Variants in MYO3B observed in about 807,000 individuals in gnomAD.
MYO3B encodes myosin-IIIb.
A neutral mutation model predicts 174.6 loss-of-function variants in MYO3B; 156 were observed. The ratio of observed to expected loss-of-function variants is 0.89; its 90% CI spans 0.78 to 1.02. The LOEUF is 1.02. MYO3B is among the 50% of genes least tolerant of loss of function. The pLI is 0.00. For missense variants in MYO3B, 1,632 were observed against 1,639.4 expected (o/e 1.00, Z 0.08); for synonymous variants, 563 against 569.1 (o/e 0.99, Z 0.15).
intron 32 of MYO3B, among the ~76,000 whole-genome samples, chr2:170,606,662 G>T (rs1386621618): frequency 6.6e-6 from 1 of 152,226 alleles, no homozygotes; most frequent in Non-Finnish European, 1.5e-5. Context: ...GAGCATTGCT[G>T]TGGATTTAGG....
At chr2:170,503,089 G>C (rs972664924) in intron 28 of MYO3B, among the ~76,000 whole-genome samples, 1 of 152,236 alleles carries the variant, frequency 6.6e-6, no homozygotes, top group South Asian at 2.1e-4. Flanking sequence ...CTCCCAACAC[G>C]CACACAATCT....
At position 170,498,714 on chromosome 2, in the gene MYO3B, C is replaced by T. The variant is rs1177766100; in HGVS notation, c.3126+11C>T. The T allele has an allele frequency of 3.3e-6, 5 of 1,510,294 alleles. No homozygotes were observed. In the African/African-American group the frequency reaches 5.5e-5, roughly 17 times the overall value. 93.6% of individuals were successfully genotyped at this position (1,510,294 alleles called of 1,614,324 possible). A position where few individuals can be genotyped will look rare whatever the true frequency, so the allele number is the denominator to read the frequency against. ...CTGGGAAAAACAAAGGTAGTTCGTTCTTTATTGTTCAAATTGTCCCGTATG... is the reference window on the plus strand; with the variant it reads ...CTGGGAAAAACAAAGGTAGTTCGTTTTTTATTGTTCAAATTGTCCCGTATG... On this transcript the variant is annotated intron_variant, in intron 26 of 34. Transcript: ENST00000408978.
chr2:170,533,452 G>T (rs1276247127), intron 30 of MYO3B, among the ~76,000 whole-genome samples: 1 of 151,464 alleles, frequency 6.6e-6, no homozygotes, highest in African/African-American at 2.4e-5. Context: ...GTGGTGAAAA[G>T]AACATCCTCC....
intron 1 of MYO3B, among the ~76,000 whole-genome samples, chr2:170,185,244 T>C (rs1212786874): frequency 6.6e-6 from 1 of 152,204 alleles, no homozygotes; most frequent in Non-Finnish European, 1.5e-5. Context: ...CAAGAAATCA[T>C]TGCCCAGACC....
At chr2:170,302,022 C>T (rs1291204307) in intron 7 of MYO3B, among the ~76,000 whole-genome samples, 1 of 151,706 alleles carries the variant, frequency 6.6e-6, no homozygotes, top group Non-Finnish European at 1.5e-5. Flanking sequence ...GATATTTCTC[C>T]AAAGCCCTGA....
At chr2:170,456,013 A>G (rs886819255) in intron 23 of MYO3B, among the ~76,000 whole-genome samples, 11 of 152,180 alleles carry the variant, frequency 7.2e-5, no homozygotes, top group African/African-American at 2.7e-4. Flanking sequence ...ATAAACTGAC[A>G]AGAGGCAGAT....
chr2:170,604,376 G>T (rs575212013), intron 32 of MYO3B, among the ~76,000 whole-genome samples: 2 of 152,156 alleles, frequency 1.3e-5, no homozygotes, highest in East Asian at 1.9e-4. Context: ...CAAGGGCTAG[G>T]GTTCTGGGGA....
At chr2:170,221,865 G>T (rs886958700) in intron 6 of MYO3B, among the ~76,000 whole-genome samples, 2 of 152,046 alleles carry the variant, frequency 1.3e-5, no homozygotes, top group Non-Finnish European at 2.9e-5. Flanking sequence ...AACATGCCTG[G>T]CTTAAGATCA....
At chr2:170,419,862 G>A (rs1430198676) in intron 22 of MYO3B, among the ~76,000 whole-genome samples, 2 of 152,058 alleles carry the variant, frequency 1.3e-5, no homozygotes, top group South Asian at 4.2e-4. Context: ...AAAAAGCTGC[G>A]AATTGATGTA....
chr2:170,390,767 T>TA (rs1558952938), intron 14 of MYO3B, among the ~76,000 whole-genome samples: 6 of 151,982 alleles, frequency 3.9e-5, no homozygotes, highest in Admixed American at 3.9e-4. Context: ...GACCACTTTT[T>TA]AAAAAAAATC....
intron 22 of MYO3B, among the ~76,000 whole-genome samples, chr2:170,443,668 A>G (rs1307624506): frequency 6.6e-6 from 1 of 151,984 alleles, no homozygotes; most frequent in African/African-American, 2.4e-5. Context: ...TAATTTTTGT[A>G]TAAGGTGAAT....
intron 21 of MYO3B, 134 bp from the exon 22 acceptor site, chr2:170,407,581 T>TGCTCTGATATGAAA: frequency 1.5e-6 from 1 of 645,582 alleles, no homozygotes; most frequent in Non-Finnish European, 2.7e-6. Flanking sequence ...CTTTATCTGG[T>TGCTCTGATATGAAA]GCTCTGGATA....
At position 170,443,981 on chromosome 2, in the gene MYO3B, A is replaced by G. The variant is rs1180675291; in HGVS notation, c.2665A>G (p.Thr889Ala). The G allele has an allele frequency of 1.9e-6, 3 of 1,611,552 alleles. No individual in the cohort carries two copies. The highest frequency in any genetic ancestry group is 4.5e-5 in the East Asian group (2 of 44,864). Residue 889 changes from threonine to alanine, a missense_variant, in exon 23 of 35, where the codon ACA becomes GCA. Coordinates refer to ENST00000408978, the MANE Select transcript of MYO3B (RefSeq NM_138995.5). Reference protein sequence around the residue: ...PLTKTGNLAQTRARITVASSS... With the variant: ...PLTKTGNLAQARARITVASSS... ...CTCTTTCTCAGGTAATTTGGCCCAG[A>G]CAAGAGCTAGGATAACAGTGGCCTC... is the stretch of plus-strand genomic sequence containing the variant.
chr2:170,461,619 T>TA (rs1010011915), intron 23 of MYO3B, among the ~76,000 whole-genome samples: 61 of 147,662 alleles, frequency 4.1e-4, no homozygotes, highest in Admixed American at 4.0e-3. Context: ...CTACCAAAAA[T>TA]ACAAAAATTA....
chr2:170,587,209 TTTA>T (rs966957323), intron 32 of MYO3B, among the ~76,000 whole-genome samples: 9 of 152,212 alleles, frequency 5.9e-5, no homozygotes, highest in African/African-American at 2.2e-4. Flanking sequence ...TACTGTACTT[TTTA>T]TTATTATGCC....
intron 32 of MYO3B, among the ~76,000 whole-genome samples, chr2:170,609,904 G>A (rs894910050): frequency 2.6e-5 from 4 of 152,248 alleles, no homozygotes; most frequent in African/African-American, 9.6e-5. Context: ...CCCTGGCCAT[G>A]TGTTCAAATT....
At position 170,316,535 on chromosome 2, in the gene MYO3B, A is replaced by T. The variant is rs144309856; in HGVS notation, c.750-18850A>T. ...ATCATATTACTGTTTTTAATGACCT[A>T]TGGAGGATGCCATGCCACCTATTTT... On this transcript the variant is annotated intron_variant, in intron 7 of 34. Coordinates refer to ENST00000408978, the MANE Select transcript of MYO3B (RefSeq NM_138995.5). Among the ~76,000 whole-genome samples, 10 of 152,342 alleles carry T rather than the reference A, an allele frequency of 6.6e-5. 1 individual carries two copies. The East Asian group carries it at 1.9e-3, about 29-fold the overall frequency.
chr2:170,583,398 C>T (rs1260163068), intron 32 of MYO3B, among the ~76,000 whole-genome samples: 2 of 152,164 alleles, frequency 1.3e-5, no homozygotes, highest in Admixed American at 6.5e-5. Context: ...CCACCGTTCC[C>T]TTGGCCACAT....
At chr2:170,228,960 C>CAAA (rs539746576) in intron 6 of MYO3B, among the ~76,000 whole-genome samples, 467 of 96,430 alleles carry the variant, frequency 4.8e-3, no homozygotes, top group Non-Finnish European at 7.4e-3. Flanking sequence ...ATTCCCTTTA[C>CAAA]AAAAAAAAAA....
Sources: gnomAD v4.1 joint callset for allele counts (sites outside exome capture counted in the v4.1 genomes callset) on GRCh38, gnomAD v4.1.1 for gene constraint, MANE v1.5 for transcripts, NCBI Gene and HGNC (gene_info 2026-07-23, HGNC 2026-07-21) for gene names.